The following TUB variants were observed in gnomAD, a reference collection of about 807,000 sequenced individuals.
TUB encodes tubby protein homolog.
A neutral mutation model predicts 59.7 loss-of-function variants in TUB; 33 were observed. The observed-to-expected ratio is 0.55, with a 90% CI of 0.42 to 0.74. The LOEUF (loss-of-function observed/expected upper bound fraction) is 0.74, where lower values mean the gene tolerates loss of function less well. Among genes scored for constraint, TUB ranks in the 30% least tolerant of loss-of-function variants. The pLI is 0.00. For synonymous variants in TUB, 293 were observed against 256.4 expected (o/e 1.14, Z -1.36); for missense variants, 659 against 672.0 (o/e 0.98, Z 0.21).
intron 4 of TUB, 111 bp downstream of exon 4, chr11:8,094,300 G>A (rs961897430): frequency 8.9e-5 from 121 of 1,364,040 alleles, no homozygotes; most frequent in Non-Finnish European, 1.2e-4. Context: ...ACAGCCTCAG[G>A]GAAGACACAG....
At chr11:8,029,616 T>C (rs1008886097) in intron 1 of TUB, among the ~76,000 whole-genome samples, 5 of 152,270 alleles carry the variant, frequency 3.3e-5, no homozygotes, top group Non-Finnish European at 7.3e-5. Context: ...CTCAAACTCC[T>C]GACCTCAGGT....
rs891752807 is a variant in TUB, at chr11:8,019,249, C to G, written c.-54C>G. On this transcript the variant is annotated 5_prime_UTR_variant, in exon 1 of 12. Coordinates refer to the TUB transcript ENST00000534099. Reference sequence around the variant, plus strand: ...CGGGCCCGCAGCCTGCGAGCCAGCCCCAAGCCCAGCGCCGCCGCCGCCCGC... The same window carrying G: ...CGGGCCCGCAGCCTGCGAGCCAGCCGCAAGCCCAGCGCCGCCGCCGCCCGC... 6.5e-6 allele frequency: 8 copies of G among 1,238,704 alleles called. No homozygotes were observed. The African/African-American group carries it at 1.2e-4, about 19-fold the overall frequency. 76.7% of individuals were successfully genotyped at this position (1,238,704 alleles called of 1,614,324 possible). A position where few individuals can be genotyped will look rare whatever the true frequency, so the allele number is the denominator to read the frequency against.
intron 1 of TUB, among the ~76,000 whole-genome samples, chr11:8,021,065 T>C (rs1036020156): frequency 6.6e-6 from 1 of 152,210 alleles, no homozygotes; most frequent in Non-Finnish European, 1.5e-5. Flanking sequence ...AGAAAGACTT[T>C]GGAATTAGAT....
At chr11:8,095,098 G>A (rs1943926706) in intron 4 of TUB, among the ~76,000 whole-genome samples, 1 of 152,222 alleles carries the variant, frequency 6.6e-6, no homozygotes. Flanking sequence ...TCTGTTTGTG[G>A]AAGAAAACAC....
At chr11:8,082,293 A>G (rs989780502) in intron 1 of TUB, among the ~76,000 whole-genome samples, 2 of 152,208 alleles carry the variant, frequency 1.3e-5, no homozygotes, top group Non-Finnish European at 2.9e-5. Context: ...CACTCAGGGA[A>G]GCCCCCCACC....
At chr11:8,038,156 A>G (rs1017070879), upstream of TUB, among the ~76,000 whole-genome samples, 2 of 152,194 alleles carry the variant, frequency 1.3e-5, no homozygotes, top group South Asian at 2.1e-4. Context: ...AGGAAGTCCA[A>G]AACTACATAC....
At position 8,038,873 on chromosome 11, in the gene TUB, G is replaced by A. The variant is rs931180847; in HGVS notation, c.-1G>A. The A allele has an allele frequency of 8.7e-6, 14 of 1,613,734 alleles. No individual in the cohort carries two copies. Among genetic ancestry groups the A allele is most frequent in the South Asian group, 1.1e-5 (1 of 91,056 alleles). On this transcript the variant is annotated 5_prime_UTR_variant, in exon 1 of 13. Transcript: ENST00000305253. ...TAAACCCACTCCATCCTGTGGCCAC[G>A]ATGGGGGCCAGGACACCTTTGCCTT...
rs886395708 is a variant in TUB, at chr11:8,104,543, G to A, written c.*2924G>A. ...AATGAATGAGTAGGAAAGGAATAAG[G>A]ATGTTGTTATGATCGCCTGTGGATT... On this transcript the variant is annotated 3_prime_UTR_variant, in exon 12 of 12. Transcript: ENST00000299506. 6.6e-6 allele frequency: 1 copy of A among 152,214 alleles called. No homozygotes were observed. The highest frequency in any genetic ancestry group is 1.5e-5 in the Non-Finnish European group (1 of 68,036). 9.4% of individuals were successfully genotyped at this position (152,214 alleles called of 1,614,324 possible). A position where few individuals can be genotyped will look rare whatever the true frequency, so the allele number is the denominator to read the frequency against.
At chr11:8,098,549 T>C (rs534712622) in intron 8 of TUB, among the ~76,000 whole-genome samples, 6 of 152,312 alleles carry the variant, frequency 3.9e-5, no homozygotes, top group African/African-American at 1.4e-4. Context: ...TGAACTGAAA[T>C]GCACTTTGAG....
chr11:8,036,739 G>C (rs933589201), upstream of TUB, among the ~76,000 whole-genome samples: 9 of 152,226 alleles, frequency 5.9e-5, no homozygotes, highest in Non-Finnish European at 1.0e-4. Flanking sequence ...GAGAGATGCA[G>C]TTTATCCAGC....
chr11:8,024,703 A>C (rs904041795), intron 1 of TUB, among the ~76,000 whole-genome samples: 8 of 152,224 alleles, frequency 5.3e-5, no homozygotes, highest in African/African-American at 1.9e-4. Flanking sequence ...TATTCAATTA[A>C]AACAAACTTC....
chr11:8,028,473 T>A (rs1441826960), intron 1 of TUB, among the ~76,000 whole-genome samples: 1 of 152,234 alleles, frequency 6.6e-6, no homozygotes, highest in East Asian at 1.9e-4. Flanking sequence ...TTGGTTATGC[T>A]TATAGTGTCA....
At chr11:8,092,259 T>G (rs544632301) in intron 3 of TUB, among the ~76,000 whole-genome samples, 3 of 152,134 alleles carry the variant, frequency 2.0e-5, no homozygotes, top group Non-Finnish European at 1.5e-5. Context: ...CTGGGTAACA[T>G]AGTGAGACCC....
At chr11:8,097,189 G>A (rs754711286) in intron 6 of TUB, 39 bp from the exon 7 acceptor site, 1 of 1,610,864 alleles carries the variant, frequency 6.2e-7, no homozygotes, top group East Asian at 2.2e-5. Flanking sequence ...GGCTGCTTAG[G>A]GTCCTTGGGG....
intron 2 of TUB, among the ~76,000 whole-genome samples, chr11:8,069,690 T>C (rs1258895898): frequency 6.6e-6 from 1 of 152,204 alleles, no homozygotes; most frequent in Non-Finnish European, 1.5e-5. Flanking sequence ...TTGTTTTTGT[T>C]TTTTGCTGTT....
intron 2 of TUB, among the ~76,000 whole-genome samples, chr11:8,062,516 CGTGTGTGT>C (rs34497745): frequency 1.3e-5 from 2 of 149,898 alleles, no homozygotes; most frequent in South Asian, 2.1e-4. Context: ...GGTTTGTGTG[CGTGTGTGT>C]GTGTGTGTGT....
chr11:8,060,131 G>A (rs918654122), intron 2 of TUB: 5 of 152,586 alleles, frequency 3.3e-5, no homozygotes, highest in African/African-American at 1.2e-4. Flanking sequence ...GGGCCCAGAG[G>A]CATTTGGGGC....
intron 1 of TUB, among the ~76,000 whole-genome samples, chr11:8,021,555 T>G (rs1413192278): frequency 6.6e-6 from 1 of 152,150 alleles, no homozygotes; most frequent in African/African-American, 2.4e-5. Flanking sequence ...ACAAGTGGTA[T>G]AAATTGCTGT....
In TUB at chr11:8,087,860, C is replaced by A. The variant is rs75598423; in HGVS notation, c.39-1750C>A. On this transcript the variant is annotated intron_variant, in intron 1 of 11. Coordinates refer to ENST00000299506, the MANE Select transcript of TUB (RefSeq NM_177972.3). ...ACCCTTTCTTCAGAAGTCTTCACTG[C>A]AGTCCTCCAGCCTGGGTGTGTGCCT... Among the ~76,000 whole-genome samples the A allele has an allele frequency of 7.3e-3, 1,108 of 152,344 alleles. 13 individuals carry two copies. The highest frequency in any genetic ancestry group is 0.025 in the African/African-American group (1,036 of 41,572).
Sources: gnomAD v4.1 joint callset for allele counts (sites outside exome capture counted in the v4.1 genomes callset) on GRCh38, gnomAD v4.1.1 for gene constraint, MANE v1.5 for transcripts, NCBI Gene and HGNC (gene_info 2026-07-23, HGNC 2026-07-21) for gene names.